The following PSAT1 variants were observed in gnomAD, a reference collection of about 807,000 sequenced individuals.
The protein encoded by PSAT1 is phosphoserine aminotransferase.
A neutral mutation model predicts 40.3 loss-of-function variants in PSAT1; 41 were observed. That is an observed-to-expected ratio of 1.02 (90% CI 0.79 to 1.32). PSAT1 has a LOEUF of 1.32. PSAT1 is among the 40% of genes most tolerant of loss of function. The probability of loss-of-function intolerance (pLI) is 0.00; values close to 1 mark genes in which losing one functional copy is unlikely to be tolerated. For synonymous variants in PSAT1, 147 were observed against 170.5 expected, an observed-to-expected ratio of 0.86 and a Z score of 1.07; for missense variants, 406 against 455.8, an observed-to-expected ratio of 0.89 and a Z score of 0.99.
rs190546875 is a variant in PSAT1 at position 78,327,705 on chromosome 9, C to T, written c.870-346C>T. Among the ~76,000 whole-genome samples, 111 of 152,232 alleles carry T rather than the reference C, an allele frequency of 7.3e-4. 1 individual carries two copies. Among genetic ancestry groups the T allele is most frequent in the Admixed American group, 2.8e-3 (43 of 15,288 alleles). On this transcript the variant is annotated intron_variant, in intron 7 of 8. Transcript: ENST00000376588. ...AGAGAAAGAGGTCACTCACATTTGC[C>T]GTGCAGCTGCCATGTGTTGGAAGCT...
chr9:78,315,328 C>T (rs1039660595), intron 6 of PSAT1, among the ~76,000 whole-genome samples: 2 of 152,192 alleles, frequency 1.3e-5, no homozygotes, highest in Non-Finnish European at 2.9e-5. Context: ...CAAAGTTAAC[C>T]TCTCTGAGCC....
At position 78,326,955 on chromosome 9, in the gene PSAT1, A is replaced by ATTTTTTTTTTTTTT. The variant is rs1554688170; in HGVS notation, c.870-1091_870-1078dup. Among the ~76,000 whole-genome samples the ATTTTTTTTTTTTTT allele has an allele frequency of 8.8e-4, 67 of 75,926 alleles. 2 individuals are homozygous for ATTTTTTTTTTTTTT. The highest frequency in any genetic ancestry group is 4.7e-3 in the African/African-American group (50 of 10,532). 49.8% of individuals were successfully genotyped at this position (75,926 alleles called of 152,430 possible). A position where few individuals can be genotyped will look rare whatever the true frequency, so the allele number is the denominator to read the frequency against. ...CAGCAATATATATATATATATATAT[A>ATTTTTTTTTTTTTT]TTTTTTTTTTTTTTTTTTGAGACAG... On this transcript the variant is annotated intron_variant, in intron 7 of 8. Transcript: ENST00000376588.
chr9:78,308,782 CCT>C (rs757559520), intron 6 of PSAT1, among the ~76,000 whole-genome samples, 199 bp downstream of exon 6: 1 of 152,052 alleles, frequency 6.6e-6, no homozygotes, highest in Non-Finnish European at 1.5e-5. Flanking sequence ...ATGGTGAAAC[CCT>C]GTCTTTACCA....
chr9:78,306,384 G>C lies in PSAT1; in HGVS notation c.468G>C (p.Thr156=). The change falls in exon 5 of 9, where the codon ACG becomes ACC. Residue 156 remains threonine (T), a synonymous_variant. Transcript: ENST00000376588. ...ACGTGTATTATTGCGCAAATGAGACGGTGCATGGTGTGGAGTTTGACTTTA... is the reference window on the plus strand; with the variant it reads ...ACGTGTATTATTGCGCAAATGAGACCGTGCATGGTGTGGAGTTTGACTTTA... ...ASYVYYCANE[T]VHGVEFDFIP... is the part of the protein sequence containing the mutation. 1 of 1,613,670 alleles carries C rather than the reference G, an allele frequency of 6.2e-7. No individual in the cohort carries two copies.
intron 2 of PSAT1, 148 bp from the exon 3 acceptor site, chr9:78,301,806 A>G: frequency 2.8e-6 from 2 of 707,440 alleles, no homozygotes; most frequent in African/African-American, 1.8e-5. Context: ...ATGGTCCCCT[A>G]AACTAAGTGA....
intron 6 of PSAT1, among the ~76,000 whole-genome samples, chr9:78,313,849 G>T (rs1475646311): frequency 6.6e-6 from 1 of 152,114 alleles, no homozygotes; most frequent in Admixed American, 6.5e-5. Flanking sequence ...GTCTCAATAT[G>T]TTGTCCAGGC....
chr9:78,313,339 G>C (rs185091555), intron 6 of PSAT1, among the ~76,000 whole-genome samples: 1 of 152,134 alleles, frequency 6.6e-6, no homozygotes, highest in Non-Finnish European at 1.5e-5. Flanking sequence ...CACTCCAGCC[G>C]GGGTGACAGC....
At chr9:78,316,901 G>C (rs1828353455) in intron 6 of PSAT1, among the ~76,000 whole-genome samples, 1 of 152,144 alleles carries the variant, frequency 6.6e-6, no homozygotes, top group Non-Finnish European at 1.5e-5. Flanking sequence ...AGACCACAGA[G>C]GCCAAACAAC....
chr9:78,313,604 C>T (rs1458254918), intron 6 of PSAT1, among the ~76,000 whole-genome samples: 1 of 152,206 alleles, frequency 6.6e-6, no homozygotes, highest in Non-Finnish European at 1.5e-5. Context: ...CATGGGCATT[C>T]TGCTATGTCA....
intron 6 of PSAT1, among the ~76,000 whole-genome samples, chr9:78,317,107 A>G (rs932587698): frequency 6.6e-6 from 1 of 152,208 alleles, no homozygotes; most frequent in Non-Finnish European, 1.5e-5. Flanking sequence ...AAGCTGGACA[A>G]GGAGGGACTG....
At chr9:78,303,768 T>C (rs1026438387) in intron 3 of PSAT1, among the ~76,000 whole-genome samples, 1 of 152,176 alleles carries the variant, frequency 6.6e-6, no homozygotes, top group Non-Finnish European at 1.5e-5. Context: ...CCCTGCCACA[T>C]TGCCCTGCCC....
At chr9:78,303,927 C>T (rs555277829) in intron 3 of PSAT1, among the ~76,000 whole-genome samples, 2 of 152,270 alleles carry the variant, frequency 1.3e-5, no homozygotes, top group South Asian at 2.1e-4. Flanking sequence ...ATTTCTACTG[C>T]CTGTAGCCAT....
At chr9:78,299,757 CGCCTTG>C (rs1374490646) in intron 1 of PSAT1, among the ~76,000 whole-genome samples, 1 of 151,986 alleles carries the variant, frequency 6.6e-6, no homozygotes, top group African/African-American at 2.4e-5. Context: ...ATGATCTGCC[CGCCTTG>C]GCCTCCCAAA....
At chr9:78,309,993 A>C (rs866855573) in intron 6 of PSAT1, among the ~76,000 whole-genome samples, 1 of 152,188 alleles carries the variant, frequency 6.6e-6, no homozygotes, top group Admixed American at 6.5e-5. Flanking sequence ...TATATATATA[A>C]AAATTTTAAA....
At chr9:78,323,502 C>A (rs1828457480) in intron 7 of PSAT1, among the ~76,000 whole-genome samples, 1 of 152,090 alleles carries the variant, frequency 6.6e-6, no homozygotes, top group Non-Finnish European at 1.5e-5. Context: ...ATCGCTTGAT[C>A]CCAGGAGGTC....
At position 78,301,994 on chromosome 9, in the gene PSAT1, C is replaced by G. The variant is rs543844967; in HGVS notation, c.162C>G (p.Asn54Lys). ...HRSSDFAKII[N>K]NTENLVRELL... is the part of the protein sequence containing the mutation. ...CATCAGATTTTGCCAAGATTATTAA[C>G]AATACAGAGAATCTTGTGCGGGAAT... Residue 54 changes from asparagine (N) to lysine (K), a missense_variant, in exon 3 of 9, where the codon AAC becomes AAG. By Grantham distance (94) the Asn-to-Lys change is moderately conservative. Coordinates refer to ENST00000376588, the MANE Select transcript of PSAT1 (RefSeq NM_058179.4). 1 of 1,611,614 alleles carries G rather than the reference C, an allele frequency of 6.2e-7. No individual in the cohort carries two copies. Among genetic ancestry groups the G allele is most frequent in the Middle Eastern group, 1.7e-4 (1 of 6,040 alleles).
rs775923430 is a variant in PSAT1, at chr9:78,328,047, T to G, written c.870-4T>G. ...GTAGCTGGAATAATAAACATGTTTT[T>G]CAGTTGTCCAGTGGAGCCCCAAAAT... On this transcript the variant is annotated splice_region_variant and splice_polypyrimidine_tract_variant and intron_variant, in intron 7 of 8. Coordinates refer to ENST00000376588, the MANE Select transcript of PSAT1 (RefSeq NM_058179.4). The G allele has an allele frequency of 6.2e-7, 1 of 1,609,944 alleles. No individual in the cohort carries two copies. Among genetic ancestry groups the G allele is most frequent in the South Asian group, 1.1e-5 (1 of 90,966 alleles).
intron 7 of PSAT1, among the ~76,000 whole-genome samples, chr9:78,327,646 ATAGGACCAACTTAT>A (rs1828520434): frequency 6.6e-6 from 1 of 152,208 alleles, no homozygotes; most frequent in South Asian, 2.1e-4. Flanking sequence ...TACAGCCACT[ATAGGACCAACTTAT>A]TATTTCTCTG....
intron 7 of PSAT1, among the ~76,000 whole-genome samples, chr9:78,322,278 C>T (rs1020745398): frequency 6.6e-6 from 1 of 151,986 alleles, no homozygotes; most frequent in African/African-American, 2.4e-5. Flanking sequence ...TAGCGAAGAC[C>T]CTAAAATAAA....
Sources: allele counts gnomAD v4.1 joint callset (sites outside exome capture counted in the v4.1 genomes callset), GRCh38; gene constraint gnomAD v4.1.1; transcripts MANE v1.5; gene names NCBI Gene and HGNC (gene_info 2026-07-23, HGNC 2026-07-21).